CLEC17A: variants seen among roughly 807,000 people sequenced by gnomAD.
CLEC17A encodes C-type lectin domain family 17, member A.
CLEC17A carries 37 observed loss-of-function variants against 61.3 expected under a neutral mutation model. That is an observed-to-expected ratio of 0.60 (90% CI 0.46 to 0.79). The LOEUF is 0.79. CLEC17A is among the 30% of genes least tolerant of loss of function. CLEC17A has a pLI of 0.00. For missense variants in CLEC17A, 418 were observed against 464.7 expected (o/e 0.90, Z 0.92); for synonymous variants, 168 against 164.9 (o/e 1.02, Z -0.14).
intron 3 of CLEC17A, among the ~76,000 whole-genome samples, chr19:14,591,159 C>A (rs1438557133): frequency 7.0e-6 from 1 of 142,342 alleles, no homozygotes. Flanking sequence ...TCCTTTTCTT[C>A]TTTTTTTTTT....
chr19:14,582,019 G>T (rs982703819), upstream of CLEC17A, among the ~76,000 whole-genome samples: 4 of 152,176 alleles, frequency 2.6e-5, no homozygotes, highest in Non-Finnish European at 5.9e-5. Context: ...AGGTGTTCAT[G>T]GGCTGGGCCA....
chr19:14,598,950 T>TA (rs1491311658), intron 10 of CLEC17A, among the ~76,000 whole-genome samples: 1 of 145,962 alleles, frequency 6.9e-6, no homozygotes, highest in Non-Finnish European at 1.6e-5. Context: ...GGACTGTGTC[T>TA]AAAAAAAATA....
chr19:14,592,674 CT>C (rs200351473), intron 4 of CLEC17A, among the ~76,000 whole-genome samples: 3 of 150,814 alleles, frequency 2.0e-5, no homozygotes, highest in Non-Finnish European at 4.4e-5. Flanking sequence ...TTCTTTTTTT[CT>C]TTTTTTTTGA....
At chr19:14,582,478 C>T (rs546551810), upstream of CLEC17A, among the ~76,000 whole-genome samples, 1 of 152,186 alleles carries the variant, frequency 6.6e-6, no homozygotes, top group East Asian at 1.9e-4. Flanking sequence ...TCCCAAAGTG[C>T]TGGGATTACA....
intron 2 of CLEC17A, among the ~76,000 whole-genome samples, chr19:14,583,715 C>T (rs969203451): frequency 6.6e-6 from 1 of 151,978 alleles, no homozygotes; most frequent in African/African-American, 2.4e-5. Context: ...TGGGGTGGGG[C>T]TTGAGGGATG....
chr19:14,594,454 T>C (rs894342403), intron 4 of CLEC17A, 63 bp from the exon 5 acceptor site: 13 of 1,544,518 alleles, frequency 8.4e-6, no homozygotes, highest in Middle Eastern at 4.4e-4. Context: ...CCTGTTTCCA[T>C]CACTTCCTCT....
chr19:14,599,595 C>T lies in CLEC17A; in HGVS notation c.647-122C>T, dbSNP rs187171248. On this transcript the variant is annotated intron_variant, in intron 10 of 13. Coordinates refer to ENST00000417570, the MANE Select transcript of CLEC17A (RefSeq NM_001204118.2). ...GGTTTTTGAGCGCAAGCGTGACCCA[C>T]TGGAATGTGGACACAGTGGGGAACA... 6.9e-5 allele frequency: 52 copies of T among 754,922 alleles called. No homozygotes were observed. In the East Asian group the frequency reaches 1.4e-3, roughly 20 times the overall value. The allele number at this position is 754,922 out of a possible 1,614,324, so 46.8% of individuals were successfully genotyped here. A position where few individuals can be genotyped will look rare whatever the true frequency, so the allele number is the denominator to read the frequency against.
Position 14,600,102 on chromosome 19 carries a change from A to C in CLEC17A, c.814A>C (p.Thr272Pro). ...CAAGTGTTACTACTTCTCCCCAAGC[A>C]CCAAGTCATGGGATGAGGCCCGGAT... is the stretch of plus-strand genomic sequence containing the variant. ...EGKCYYFSPS[T>P]KSWDEARMFC... Residue 272 changes from threonine to proline, a missense_variant, in exon 12 of 14, where the codon ACC becomes CCC. Coordinates refer to ENST00000417570, the MANE Select transcript of CLEC17A (RefSeq NM_001204118.2). 6.2e-7 allele frequency: 1 copy of C among 1,614,016 alleles called. No individual in the cohort carries two copies. The highest frequency in any genetic ancestry group is 8.5e-7 in the Non-Finnish European group (1 of 1,179,890).
chr19:14,598,434 C>T (rs559378126), intron 10 of CLEC17A, among the ~76,000 whole-genome samples: 1 of 148,358 alleles, frequency 6.7e-6, no homozygotes, highest in Admixed American at 6.9e-5. Flanking sequence ...CTCCCTCTTT[C>T]TCCTTCCTTC....
At chr19:14,604,839 G>A (rs1013620909) in intron 12 of CLEC17A, among the ~76,000 whole-genome samples, 2 of 151,956 alleles carry the variant, frequency 1.3e-5, no homozygotes, top group Non-Finnish European at 2.9e-5. Context: ...ATAAATAAAA[G>A]CAAACATCAA....
At chr19:14,605,030 G>A (rs1379740882) in intron 12 of CLEC17A, among the ~76,000 whole-genome samples, 1 of 150,988 alleles carries the variant, frequency 6.6e-6, no homozygotes, top group Non-Finnish European at 1.5e-5. Context: ...AGATCACCTG[G>A]CAGTCAAAAA....
intron 12 of CLEC17A, among the ~76,000 whole-genome samples, 189 bp from the exon 13 acceptor site, chr19:14,606,804 G>A (rs2074888125): frequency 6.6e-6 from 1 of 152,060 alleles, no homozygotes; most frequent in Non-Finnish European, 1.5e-5. Flanking sequence ...AAAGTAGCAC[G>A]ATTATTCCCA....
Position 14,595,292 on chromosome 19 carries a change from C to G in CLEC17A, c.422C>G (p.Ser141Cys). 6.2e-7 allele frequency: 1 copy of G among 1,613,992 alleles called. No homozygotes were observed. The highest frequency in any genetic ancestry group is 8.5e-7 in the Non-Finnish European group (1 of 1,179,856). Residue 141 changes from serine (S) to cysteine (C), a missense_variant, in exon 8 of 14, where the codon TCT becomes TGT. Transcript: ENST00000417570. ...CTCCCAGCTGTGAATCTTGAGCCTT[C>G]TCCATTGCAGCCATCCCTGGCCGGT... ...PPQLAVNLEPSPLQPSLAATP... is the reference protein window; with the variant it reads ...PPQLAVNLEPCPLQPSLAATP...
rs1484309140 is a variant in CLEC17A, at chr19:14,611,681, G to A, written c.*1485G>A. On this transcript the variant is annotated 3_prime_UTR_variant, in exon 14 of 14. Transcript: ENST00000417570. ...GCCAGCACGTGCCCTTGAGCTATCT[G>A]TGGGTTGTAACGTCTTTGATGATAT... 6.6e-6 allele frequency among the ~76,000 whole-genome samples: 1 copy of A among 152,152 alleles called. No individual in the cohort carries two copies. The highest frequency in any genetic ancestry group is 1.5e-5 in the Non-Finnish European group (1 of 68,034).
chr19:14,585,061 CTCCATCCCCT>C (rs1477147102), intron 2 of CLEC17A, among the ~76,000 whole-genome samples: 1 of 152,220 alleles, frequency 6.6e-6, no homozygotes, highest in Non-Finnish European at 1.5e-5. Context: ...TTAAAATCCC[CTCCATCCCCT>C]TCCATCCCTT....
At chr19:14,592,748 C>A (rs1461433482) in intron 4 of CLEC17A, among the ~76,000 whole-genome samples, 1 of 152,088 alleles carries the variant, frequency 6.6e-6, no homozygotes, top group Non-Finnish European at 1.5e-5. Context: ...TCACTGCAAC[C>A]TCGCCTCCTG....
At chr19:14,602,680 C>T (rs142549668) in intron 12 of CLEC17A, among the ~76,000 whole-genome samples, 45 of 151,856 alleles carry the variant, frequency 3.0e-4, no homozygotes, top group African/African-American at 7.2e-4. Flanking sequence ...TCCTGTATGT[C>T]GTGTCCCTTC....
At chr19:14,606,315 C>T (rs2074866737) in intron 12 of CLEC17A, among the ~76,000 whole-genome samples, 1 of 149,444 alleles carries the variant, frequency 6.7e-6, no homozygotes, top group African/African-American at 2.5e-5. Context: ...TTGGGACATG[C>T]AGTGAGCCAT....
intron 13 of CLEC17A, among the ~76,000 whole-genome samples, chr19:14,608,628 ATTTTTTTTTT>A (rs71166765): frequency 8.4e-6 from 1 of 119,748 alleles, no homozygotes; most frequent in East Asian, 2.4e-4. Flanking sequence ...ATGAGGAAGA[ATTTTTTTTTT>A]TTTTTTTTTT....
Sources: allele counts gnomAD v4.1 joint callset (sites outside exome capture counted in the v4.1 genomes callset), GRCh38; gene constraint gnomAD v4.1.1; transcripts MANE v1.5; gene names NCBI Gene and HGNC (gene_info 2026-07-23, HGNC 2026-07-21).